The following SLC30A3 variants were observed in gnomAD, a reference collection of about 807,000 sequenced individuals.
The protein encoded by SLC30A3 is probable proton-coupled zinc antiporter SLC30A3.
SLC30A3 carries 20 observed loss-of-function variants against 35.6 expected under a neutral mutation model. That is an observed-to-expected ratio of 0.56 (90% CI 0.39 to 0.82). SLC30A3 has a LOEUF of 0.82. Among genes scored for constraint, SLC30A3 ranks in the 40% least tolerant of loss-of-function variants. The pLI is 0.00. For missense variants in SLC30A3, 401 were observed against 530.6 expected (o/e 0.76, Z 2.40); for synonymous variants, 217 against 224.7 (o/e 0.97, Z 0.31).
At position 27,262,789 on chromosome 2, in the gene SLC30A3, G is replaced by T; in HGVS notation, c.95+23C>A. On this transcript the variant is annotated intron_variant, in intron 1 of 7. Transcript: ENST00000233535. This position sits in a 1 kb window ranked among gnomAD's most constrained non-coding sequence, Gnocchi z 7.5. Reference sequence around the variant, plus strand: ...TAGTAGGGTGGCGCCCCCGGGCCGAGGGCCAGCCCAGGTCTGTCCTACCTC... The same window carrying T: ...TAGTAGGGTGGCGCCCCCGGGCCGATGGCCAGCCCAGGTCTGTCCTACCTC... 6.6e-7 allele frequency: 1 copy of T among 1,525,870 alleles called. No homozygotes were observed. Among genetic ancestry groups the T allele is most frequent in the Non-Finnish European group, 8.7e-7 (1 of 1,144,142 alleles). The allele number at this position is 1,525,870 out of a possible 1,614,324, so 94.5% of individuals were successfully genotyped here.
intron 1 of SLC30A3, among the ~76,000 whole-genome samples, chr2:27,268,722 CAAA>C (rs760800564): frequency 1.0e-5 from 1 of 99,918 alleles, no homozygotes; most frequent in Admixed American, 1.1e-4. Context: ...GACTCTGTCT[CAAA>C]AAAAAAAAAA....
At chr2:27,274,440 T>G (rs1291394383) in intron 1 of SLC30A3, among the ~76,000 whole-genome samples, 3 of 152,212 alleles carry the variant, frequency 2.0e-5, no homozygotes, top group Non-Finnish European at 2.9e-5. Flanking sequence ...ATAAGCATTT[T>G]CCAAGTAACA....
Position 27,257,052 on chromosome 2 carries a change from A to G in SLC30A3, c.777+102T>C. 3 of 1,242,428 alleles carry G rather than the reference A, an allele frequency of 2.4e-6. No individual in the cohort carries two copies. The highest frequency in any genetic ancestry group is 1.2e-5 in the South Asian group (1 of 82,574). The allele number at this position is 1,242,428 out of a possible 1,614,324, so 77.0% of individuals were successfully genotyped here. On this transcript the variant is annotated intron_variant, in intron 5 of 7. Coordinates refer to ENST00000233535, the MANE Select transcript of SLC30A3 (RefSeq NM_003459.5). This position sits in a 1 kb window ranked among gnomAD's most constrained non-coding sequence, Gnocchi z 4.7. The stretch of plus-strand genomic sequence containing the variant: ...GGGAGAGTCCTGGGAGGTGGGAGGG[A>G]GGAGCTGGAGGGAGGAGGAAGGAAG...
At chr2:27,263,142 C>A, upstream of SLC30A3, 1 of 1,325,418 alleles carries the variant, frequency 7.5e-7, no homozygotes. Context: ...GGCTCCCCGG[C>A]CTCTCCCCAC....
Position 27,254,679 on chromosome 2 carries a change from C to T in SLC30A3, c.*633G>A, listed in dbSNP as rs114567311. 3.7e-3 allele frequency: 597 copies of T among 163,492 alleles called. 6 individuals are homozygous for T. Among genetic ancestry groups the T allele is most frequent in the African/African-American group, 0.014 (571 of 41,528 alleles). The allele number at this position is 163,492 out of a possible 1,614,324, so 10.1% of individuals were successfully genotyped here. A position where few individuals can be genotyped will look rare whatever the true frequency, so the allele number is the denominator to read the frequency against. ...AGGGATGGAGAGATAGACCCCCAAA[C>T]AGACACATGGATGGAGCAGACTCAT... is the stretch of plus-strand genomic sequence containing the variant. On this transcript the variant is annotated 3_prime_UTR_variant, in exon 8 of 8. Coordinates refer to ENST00000233535, the MANE Select transcript of SLC30A3 (RefSeq NM_003459.5).
chr2:27,262,917 C>T lies in SLC30A3; in HGVS notation c.-11G>A. On this transcript the variant is annotated 5_prime_UTR_variant, in exon 1 of 8. Coordinates refer to ENST00000233535, the MANE Select transcript of SLC30A3 (RefSeq NM_003459.5). This position sits in a 1 kb window ranked among gnomAD's most constrained non-coding sequence, Gnocchi z 7.5. ...TGGAGAGGGCTCCATGTTCCCGGTG[C>T]CCCGACCGTCTAGGCCCCACCGAGG... 1 of 1,552,326 alleles carries T rather than the reference C, an allele frequency of 6.4e-7. No individual in the cohort carries two copies. The highest frequency in any genetic ancestry group is 8.6e-7 in the Non-Finnish European group (1 of 1,156,822).
intron 1 of SLC30A3, among the ~76,000 whole-genome samples, chr2:27,269,229 CAG>C (rs1305120536): frequency 8.0e-6 from 1 of 124,988 alleles, no homozygotes; most frequent in African/African-American, 3.1e-5. Flanking sequence ...TTTTTGGAGA[CAG>C]AGTCTTGCTC....
In SLC30A3 at chr2:27,254,500, G is replaced by A. The variant is rs570380323; in HGVS notation, c.*812C>T. The A allele has an allele frequency of 6.5e-4, 100 of 153,204 alleles. No homozygotes were observed. Among genetic ancestry groups the A allele is most frequent in the Non-Finnish European group, 8.3e-4 (57 of 68,414 alleles). The allele number at this position is 153,204 out of a possible 1,614,324, so 9.5% of individuals were successfully genotyped here. On this transcript the variant is annotated 3_prime_UTR_variant, in exon 8 of 8. Transcript: ENST00000233535. ...CACTCCAGAGGCTGGGAAGGGACAG[G>A]AGGGATTCTGTTGTTCTCAAGTGAC... is the stretch of plus-strand genomic sequence containing the variant.
At chr2:27,267,660 T>G (rs915696274), upstream of SLC30A3, among the ~76,000 whole-genome samples, 1 of 151,972 alleles carries the variant, frequency 6.6e-6, no homozygotes, top group Non-Finnish European at 1.5e-5. Context: ...CCTGACTGGA[T>G]GCGGTGGCTC....
chr2:27,256,970 T>C (rs1411833113), intron 5 of SLC30A3, 77 bp from the exon 6 acceptor site: 2 of 1,207,942 alleles, frequency 1.7e-6, no homozygotes, highest in African/African-American at 1.5e-5. Flanking sequence ...TGAACAAACA[T>C]GACCTGAGAG....
chr2:27,256,676 C>A, intron 6 of SLC30A3, 112 bp downstream of exon 6: 1 of 1,289,888 alleles, frequency 7.8e-7, no homozygotes, highest in Non-Finnish European at 1.1e-6. Context: ...GCAGCAGACC[C>A]CATGAGCCAA....
At chr2:27,259,774 G>A (rs1165505655) in intron 1 of SLC30A3, among the ~76,000 whole-genome samples, 1 of 152,134 alleles carries the variant, frequency 6.6e-6, no homozygotes, top group Non-Finnish European at 1.5e-5. Context: ...TCTTATGCTA[G>A]GCACCCCAAA....
At position 27,257,098 on chromosome 2, in the gene SLC30A3, T is replaced by G; in HGVS notation, c.777+56A>C. 5.2e-6 allele frequency: 8 copies of G among 1,540,962 alleles called. No homozygotes were observed. The highest frequency in any genetic ancestry group is 1.4e-5 in the African/African-American group (1 of 72,768). ...GGAAGCTTTGGGACCTGGGAAGGAG[T>G]GGGCTGGGATGTGGTTGTGGGGAGG... On this transcript the variant is annotated intron_variant, in intron 5 of 7. Transcript: ENST00000233535. This position sits in a 1 kb window ranked among gnomAD's most constrained non-coding sequence, Gnocchi z 4.7.
chr2:27,266,082 C>G (rs900966009), upstream of SLC30A3, among the ~76,000 whole-genome samples: 1 of 136,094 alleles, frequency 7.3e-6, no homozygotes, highest in African/African-American at 2.8e-5. Flanking sequence ...TTTTTGGAAA[C>G]AGGGTCTCAC....
upstream of SLC30A3, among the ~76,000 whole-genome samples, chr2:27,267,187 G>A (rs1343682536): frequency 6.6e-6 from 1 of 152,108 alleles, no homozygotes; most frequent in African/African-American, 2.4e-5. Flanking sequence ...CTACATCCAA[G>A]CTGTCAGCAA....
In SLC30A3 at chr2:27,262,100, C is replaced by A. The variant is rs1677217655; in HGVS notation, c.95+712G>T. 1 of 152,262 alleles carries A rather than the reference C, an allele frequency of 6.6e-6. No homozygotes were observed. The highest frequency in any genetic ancestry group is 1.5e-5 in the Non-Finnish European group (1 of 68,036). The allele number at this position is 152,262 out of a possible 1,614,324, so 9.4% of individuals were successfully genotyped here. A position where few individuals can be genotyped will look rare whatever the true frequency, so the allele number is the denominator to read the frequency against. On this transcript the variant is annotated intron_variant, in intron 1 of 7. Coordinates refer to ENST00000233535, the MANE Select transcript of SLC30A3 (RefSeq NM_003459.5). The surrounding 1 kb of genome is among the most constrained non-coding windows in gnomAD (Gnocchi z 7.5). The stretch of plus-strand genomic sequence containing the variant: ...GCTCAGAGGGGCAGGTGGACGGTGG[C>A]GGCAGGCGCGGGGGCCGGCGGGGCG...
At chr2:27,261,611 T>G (rs1239560124) in intron 1 of SLC30A3, among the ~76,000 whole-genome samples, 1 of 152,070 alleles carries the variant, frequency 6.6e-6, no homozygotes, top group Non-Finnish European at 1.5e-5. Context: ...TGTTGGTGTG[T>G]GGGGGTGTGG....
upstream of SLC30A3, among the ~76,000 whole-genome samples, chr2:27,267,884 G>A (rs148048160): frequency 6.4e-3 from 964 of 150,486 alleles, 9 homozygotes; most frequent in African/African-American, 0.022. Context: ...GCAGTGAGCC[G>A]AGATCTTGCC....
At chr2:27,270,372 A>G (rs1677681449) in intron 1 of SLC30A3, among the ~76,000 whole-genome samples, 1 of 152,134 alleles carries the variant, frequency 6.6e-6, no homozygotes, top group African/African-American at 2.4e-5. Context: ...GCATGACGGC[A>G]CTGGGTAGGA....
Sources: gnomAD v4.1 joint callset for allele counts (sites outside exome capture counted in the v4.1 genomes callset) on GRCh38, gnomAD v4.1.1 for gene constraint, Gnocchi (gnomAD v3.1) non-coding constraint, MANE v1.5 for transcripts, NCBI Gene and HGNC (gene_info 2026-07-23, HGNC 2026-07-21) for gene names.